Variants in GALNT18 observed in about 807,000 individuals in gnomAD.
The protein encoded by GALNT18 is polypeptide N-acetylgalactosaminyltransferase 18, also known as GalNAc-transferase 18.
GALNT18 carries 44 observed loss-of-function variants against 69.5 expected under a neutral mutation model. The ratio of observed to expected loss-of-function variants is 0.63; its 90% confidence interval spans 0.50 to 0.81. GALNT18 has a LOEUF of 0.81. GALNT18 is among the 40% of genes least tolerant of loss of function. The pLI is 0.00. For synonymous variants in GALNT18, 364 were observed against 318.2 expected, an observed-to-expected ratio of 1.14 and a Z score of -1.53; for missense variants, 715 against 810.0, an observed-to-expected ratio of 0.88 and a Z score of 1.42.
intron 6 of GALNT18, among the ~76,000 whole-genome samples, chr11:11,364,364 T>C (rs915187260): frequency 3.9e-5 from 6 of 152,224 alleles, no homozygotes; most frequent in African/African-American, 1.4e-4. Context: ...GGAACACACA[T>C]ACTGTCTATG....
intron 1 of GALNT18, among the ~76,000 whole-genome samples, chr11:11,553,234 C>T (rs558814432): frequency 2.0e-3 from 311 of 152,310 alleles, no homozygotes; most frequent in African/African-American, 7.1e-3. Context: ...TTTATCCCAC[C>T]GCTTCCTGCT....
At chr11:11,508,907 T>C (rs191895199) in intron 1 of GALNT18, among the ~76,000 whole-genome samples, 3 of 152,188 alleles carry the variant, frequency 2.0e-5, no homozygotes, top group African/African-American at 7.2e-5. Context: ...TGGTTTACAA[T>C]AACAAAGAGA....
At position 11,432,607 on chromosome 11, in the gene GALNT18, G is replaced by T. The variant is rs562412242; in HGVS notation, c.595+14C>A. 35 of 1,596,270 alleles carry T rather than the reference G, an allele frequency of 2.2e-5. No homozygotes were observed. The South Asian group carries it at 3.9e-4, about 18-fold the overall frequency. On this transcript the variant is annotated intron_variant, in intron 3 of 10. Coordinates refer to ENST00000227756, the MANE Select transcript of GALNT18 (RefSeq NM_198516.3). The surrounding 1 kb of genome is among the most constrained non-coding windows in gnomAD (Gnocchi z 5.8). Reference sequence around the variant, plus strand: ...GGAAGTAGGGCCTGGGCCCTGGGAAGCTCCGACACTCACCGTTACTGCTGT... The same window carrying T: ...GGAAGTAGGGCCTGGGCCCTGGGAATCTCCGACACTCACCGTTACTGCTGT...
intron 9 of GALNT18, among the ~76,000 whole-genome samples, chr11:11,325,220 C>G (rs560275895): frequency 1.1e-4 from 16 of 152,308 alleles, no homozygotes; most frequent in African/African-American, 3.8e-4. Context: ...TTGGATGAAG[C>G]TGGAGGCCAT....
intron 1 of GALNT18, among the ~76,000 whole-genome samples, chr11:11,593,103 C>T (rs1321722325): frequency 1.3e-5 from 2 of 152,058 alleles, no homozygotes; most frequent in East Asian, 1.9e-4. Flanking sequence ...TTAGTGGAGA[C>T]GGGGTTTCAC....
In GALNT18 at chr11:11,332,898, T is replaced by G. The variant is rs1318572071; in HGVS notation, c.1279-67A>C. On this transcript the variant is annotated intron_variant, in intron 7 of 10. Transcript: ENST00000227756. This position sits in a 1 kb window ranked among gnomAD's most constrained non-coding sequence, Gnocchi z 4.3. ...TTGCAGCTTCTCCCCAAACTCTACT[T>G]TGGCATGACCTTGTGCCCCCAACAA... 23 of 1,571,002 alleles carry G rather than the reference T, an allele frequency of 1.5e-5. No homozygotes were observed. The Admixed American group carries it at 2.2e-4, about 15-fold the overall frequency.
intron 1 of GALNT18, among the ~76,000 whole-genome samples, chr11:11,609,671 A>T (rs193291788): frequency 7.2e-5 from 11 of 152,284 alleles, no homozygotes; most frequent in Admixed American, 2.0e-4. Flanking sequence ...CACATCTGCA[A>T]TTTCTCCCAA....
chr11:11,379,271 G>T lies in GALNT18; in HGVS notation c.596-7C>A. The T allele has an allele frequency of 6.2e-7, 1 of 1,610,118 alleles. No homozygotes were observed. ...AGCTTCTCCTTCAGTTCCTCTGTCA[G>T]GGAGAAAATGCAGCCTTAGCATGGG... On this transcript the variant is annotated splice_polypyrimidine_tract_variant and splice_region_variant and intron_variant, in intron 3 of 10. Transcript: ENST00000227756.
At chr11:11,529,506 C>T (rs1230152928) in intron 1 of GALNT18, among the ~76,000 whole-genome samples, 2 of 152,154 alleles carry the variant, frequency 1.3e-5, no homozygotes, top group Middle Eastern at 3.2e-3. Context: ...TCCTTATTCT[C>T]GGGTCTTCAG....
chr11:11,469,882 T>G lies in GALNT18; in HGVS notation c.236-20946A>C, dbSNP rs191368165. Among the ~76,000 whole-genome samples, 7 of 152,178 alleles carry G rather than the reference T, an allele frequency of 4.6e-5. No homozygotes were observed. Among genetic ancestry groups the G allele is most frequent in the Admixed American group, 3.9e-4 (6 of 15,274 alleles). On this transcript the variant is annotated intron_variant, in intron 1 of 10. Coordinates refer to ENST00000227756, the MANE Select transcript of GALNT18 (RefSeq NM_198516.3). The surrounding 1 kb of genome is among the most constrained non-coding windows in gnomAD (Gnocchi z 4.2). ...TCAGCTCCATTGGAGAAGAGCATAT[T>G]TAAGGACATAGTCATTCCATCAGGC...
chr11:11,547,161 C>G (rs1013519387), intron 1 of GALNT18, among the ~76,000 whole-genome samples: 4 of 152,186 alleles, frequency 2.6e-5, no homozygotes, highest in African/African-American at 9.7e-5. Flanking sequence ...CAACAAATGA[C>G]AGCCACTGCT....
At chr11:11,288,095 G>A (rs150677104) in intron 10 of GALNT18, among the ~76,000 whole-genome samples, 1 of 152,178 alleles carries the variant, frequency 6.6e-6, no homozygotes, top group Non-Finnish European at 1.5e-5. Flanking sequence ...AGCTGCCAGG[G>A]GGATTTTGCA....
At chr11:11,569,763 C>T (rs907847006) in intron 1 of GALNT18, among the ~76,000 whole-genome samples, 13 of 152,064 alleles carry the variant, frequency 8.5e-5, no homozygotes, top group Admixed American at 5.9e-4. Flanking sequence ...CTATGACCTA[C>T]GTCCAAGTTG....
intron 3 of GALNT18, among the ~76,000 whole-genome samples, chr11:11,398,679 A>G (rs1854389983): frequency 6.6e-6 from 1 of 152,230 alleles, no homozygotes; most frequent in South Asian, 2.1e-4. Flanking sequence ...TTGGGTTATC[A>G]CTGAACTAAT....
intron 9 of GALNT18, among the ~76,000 whole-genome samples, chr11:11,299,260 T>C (rs926997223): frequency 1.3e-5 from 2 of 152,192 alleles, no homozygotes; most frequent in African/African-American, 4.8e-5. Flanking sequence ...GTCTCCTGAC[T>C]CAGCCTCCCA....
intron 6 of GALNT18, among the ~76,000 whole-genome samples, chr11:11,355,833 C>T (rs1234847710): frequency 6.6e-6 from 1 of 152,154 alleles, no homozygotes; most frequent in African/African-American, 2.4e-5. Flanking sequence ...GAGACCAGAG[C>T]CCTGTCTCTT....
At chr11:11,333,090 G>GGA (rs1850048173) in intron 7 of GALNT18, among the ~76,000 whole-genome samples, 1 of 141,392 alleles carries the variant, frequency 7.1e-6, no homozygotes, top group Non-Finnish European at 1.5e-5. Flanking sequence ...AATCCTTAAA[G>GGA]AAAAAAAAAA....
chr11:11,575,841 GACAAA>G (rs1241718766), intron 1 of GALNT18, among the ~76,000 whole-genome samples: 2 of 152,208 alleles, frequency 1.3e-5, no homozygotes, highest in Non-Finnish European at 2.9e-5. Flanking sequence ...AACCATTCTA[GACAAA>G]ACAAATTATC....
intron 1 of GALNT18, among the ~76,000 whole-genome samples, chr11:11,460,884 T>C (rs1856027142): frequency 6.6e-6 from 1 of 152,240 alleles, no homozygotes; most frequent in Non-Finnish European, 1.5e-5. Flanking sequence ...AAATTGTTTT[T>C]CTTTATAAAC....
Sources: gnomAD v4.1 joint callset for allele counts (sites outside exome capture counted in the v4.1 genomes callset) on GRCh38, gnomAD v4.1.1 for gene constraint, Gnocchi (gnomAD v3.1) non-coding constraint, MANE v1.5 for transcripts, NCBI Gene and HGNC (gene_info 2026-07-23, HGNC 2026-07-21) for gene names.